The following KMO variants were observed in gnomAD, a reference collection of about 807,000 sequenced individuals.
KMO encodes kynurenine 3-hydroxylase.
Under a neutral mutation model 57.8 loss-of-function variants are expected in KMO, and 24 were observed. The observed-to-expected ratio is 0.42, with a 90% confidence interval of 0.30 to 0.58. KMO has a LOEUF of 0.58. Among genes scored for constraint, KMO ranks in the 20% least tolerant of loss-of-function variants. The pLI is 0.22. For synonymous variants in KMO, 210 were observed against 193.6 expected (o/e 1.08, Z -0.70); for missense variants, 483 against 588.2 (o/e 0.82, Z 1.85).
At chr1:241,558,385 C>G (rs80294943) in intron 5 of KMO, among the ~76,000 whole-genome samples, 1 of 152,170 alleles carries the variant, frequency 6.6e-6, no homozygotes, top group African/African-American at 2.4e-5. Flanking sequence ...TCTTTCTTTA[C>G]GAGGCATCAA....
At chr1:241,578,104 A>C (rs1008429070) in intron 10 of KMO, among the ~76,000 whole-genome samples, 2 of 152,168 alleles carry the variant, frequency 1.3e-5, no homozygotes, top group Non-Finnish European at 2.9e-5. Flanking sequence ...GTGGGGCGGC[A>C]GTCACCCTGA....
At chr1:241,569,942 T>C (rs532757579) in intron 10 of KMO, among the ~76,000 whole-genome samples, 2 of 152,204 alleles carry the variant, frequency 1.3e-5, no homozygotes, top group African/African-American at 4.8e-5. Context: ...TGGCCATTTG[T>C]ATGTCTTCTT....
rs1661494783 is a variant in KMO, at chr1:241,553,605, C to A, written c.313-2007C>A. ...TGGGAGACTTAAGGTGGGAAGATCG[C>A]TTGAGCCCGGGAGGTTGAGGCTGCA... On this transcript the variant is annotated intron_variant, in intron 4 of 14. Transcript: ENST00000366559. Among the ~76,000 whole-genome samples, 3 of 152,240 alleles carry A rather than the reference C, an allele frequency of 2.0e-5. No individual in the cohort carries two copies. The Middle Eastern group carries it at 0.01, about 518-fold the overall frequency.
chr1:241,579,701 C>T (rs769332749), intron 10 of KMO, among the ~76,000 whole-genome samples: 4 of 152,090 alleles, frequency 2.6e-5, no homozygotes, highest in Non-Finnish European at 2.9e-5. Flanking sequence ...CAGGCCACTC[C>T]CCTCCCAGTC....
intron 10 of KMO, among the ~76,000 whole-genome samples, chr1:241,586,227 C>A (rs113241564): frequency 0.011 from 1,165 of 108,864 alleles, 14 homozygotes; most frequent in African/African-American, 0.037. Context: ...GAGACAGGGT[C>A]TCGCTCTGTC....
intron 1 of KMO, among the ~76,000 whole-genome samples, chr1:241,539,264 G>A (rs1263382718): frequency 6.6e-6 from 1 of 152,036 alleles, no homozygotes; most frequent in Non-Finnish European, 1.5e-5. Context: ...TGTGCCTGTA[G>A]TCCCAGTTAT....
chr1:241,573,166 T>C (rs1662369592), intron 10 of KMO, among the ~76,000 whole-genome samples: 1 of 152,174 alleles, frequency 6.6e-6, no homozygotes, highest in Admixed American at 6.5e-5. Context: ...TTTTTGCTAA[T>C]TTTTGTAGAG....
intron 10 of KMO, among the ~76,000 whole-genome samples, chr1:241,583,407 T>A (rs912519768): frequency 1.3e-5 from 2 of 152,088 alleles, no homozygotes; most frequent in African/African-American, 4.8e-5. Context: ...TGCCCCAGGG[T>A]GGGTATAGAA....
At chr1:241,559,131 A>T (rs927344025) in intron 5 of KMO, among the ~76,000 whole-genome samples, 1 of 152,116 alleles carries the variant, frequency 6.6e-6, no homozygotes, top group African/African-American at 2.4e-5. Flanking sequence ...TTAACCTAAT[A>T]TATCCAAAAT....
chr1:241,586,555 A>T, intron 10 of KMO, 124 bp from the exon 11 acceptor site: 2 of 726,514 alleles, frequency 2.8e-6, no homozygotes, highest in South Asian at 3.0e-5. Context: ...ACTGCTATGT[A>T]CTAGTTGAGA....
chr1:241,566,439 C>A, intron 8 of KMO, 52 bp from the exon 9 acceptor site: 1 of 1,577,224 alleles, frequency 6.3e-7, no homozygotes, highest in East Asian at 2.3e-5. Flanking sequence ...CACCTAGTGC[C>A]AGCGTCACTT....
intron 10 of KMO, among the ~76,000 whole-genome samples, chr1:241,585,908 A>G (rs945162284): frequency 7.9e-5 from 12 of 152,002 alleles, no homozygotes; most frequent in Non-Finnish European, 1.2e-4. Context: ...AATTTTGTGG[A>G]CTTCTTAATA....
intron 3 of KMO, among the ~76,000 whole-genome samples, chr1:241,550,250 C>T (rs1661347067): frequency 6.6e-6 from 1 of 152,118 alleles, no homozygotes; most frequent in Non-Finnish European, 1.5e-5. Context: ...TGTTTTGCTA[C>T]AGAAATTTTG....
intron 1 of KMO, among the ~76,000 whole-genome samples, chr1:241,540,117 T>C (rs967449261): frequency 6.6e-6 from 1 of 152,216 alleles, no homozygotes; most frequent in Non-Finnish European, 1.5e-5. Flanking sequence ...AAATATCATG[T>C]ATTTTATATA....
intron 1 of KMO, among the ~76,000 whole-genome samples, chr1:241,539,410 C>A (rs1282602586): frequency 2.9e-5 from 4 of 139,790 alleles, no homozygotes; most frequent in African/African-American, 1.2e-4. Context: ...GCAGCAATAG[C>A]TACTTCACCC....
intron 10 of KMO, among the ~76,000 whole-genome samples, chr1:241,576,706 A>C (rs541559244): frequency 2.5e-5 from 1 of 39,644 alleles, no homozygotes; most frequent in Non-Finnish European, 1.1e-4. Context: ...GACTTTAGAT[A>C]GCTTGATAAC....
chr1:241,578,398 T>C (rs978631396), intron 10 of KMO, among the ~76,000 whole-genome samples: 3 of 152,126 alleles, frequency 2.0e-5, no homozygotes, highest in African/African-American at 4.8e-5. Flanking sequence ...GCATGTTTCA[T>C]TGATGTGGTA....
intron 2 of KMO, 94 bp from the exon 3 acceptor site, chr1:241,549,583 C>T (rs1661321282): frequency 1.6e-6 from 1 of 642,482 alleles, no homozygotes. Flanking sequence ...TAATGTGGTT[C>T]CGAATGAACC....
intron 9 of KMO, among the ~76,000 whole-genome samples, chr1:241,567,763 C>T (rs1662138175): frequency 1.3e-5 from 2 of 152,230 alleles, no homozygotes; most frequent in African/African-American, 4.8e-5. Flanking sequence ...ATCCCACCTT[C>T]TCCAGCTGTG....
Sources: gnomAD v4.1 joint callset for allele counts (sites outside exome capture counted in the v4.1 genomes callset) on GRCh38, gnomAD v4.1.1 for gene constraint, MANE v1.5 for transcripts, NCBI Gene and HGNC (gene_info 2026-07-23, HGNC 2026-07-21) for gene names.